The following SPAG16 variants were observed in gnomAD, a reference collection of about 807,000 sequenced individuals.
The protein encoded by SPAG16 is sperm-associated antigen 16 protein.
A neutral mutation model predicts 80.4 loss-of-function variants in SPAG16; 86 were observed. That is an observed-to-expected ratio of 1.07 (90% CI 0.90 to 1.28). SPAG16 has a LOEUF of 1.28. SPAG16 is among the 50% of genes most tolerant of loss of function. The pLI, the probability that SPAG16 is intolerant of heterozygous loss-of-function variation, is 0.00. For synonymous variants in SPAG16, 294 were observed against 265.9 expected (o/e 1.11, Z -1.03); for missense variants, 870 against 765.3 (o/e 1.14, Z -1.61).
intron 15 of SPAG16, among the ~76,000 whole-genome samples, chr2:214,290,051 T>G (rs1377170075): frequency 6.6e-6 from 1 of 152,122 alleles, no homozygotes; most frequent in Admixed American, 6.6e-5. Flanking sequence ...GGTCCTGGGA[T>G]TTTCTTTGCT....
intron 5 of SPAG16, among the ~76,000 whole-genome samples, chr2:213,321,922 A>G (rs1041113724): frequency 2.0e-5 from 3 of 152,092 alleles, no homozygotes; most frequent in Non-Finnish European, 2.9e-5. Context: ...AATGTAGACC[A>G]ATTGTTATTT....
At chr2:214,211,756 C>T (rs1239503787) in intron 15 of SPAG16, among the ~76,000 whole-genome samples, 1 of 152,146 alleles carries the variant, frequency 6.6e-6, no homozygotes, top group Non-Finnish European at 1.5e-5. Flanking sequence ...CTTATCATGG[C>T]CAGCAAATTG....
chr2:214,400,552 G>A lies in SPAG16; in HGVS notation c.1721-9588G>A, dbSNP rs1428655967. On this transcript the variant is annotated intron_variant, in intron 15 of 15. Transcript: ENST00000331683. ...TTTTATAGAAGGGACTTGAGCATCT[G>A]AAGAGTTTGGTATCTGTGGGTTGGG... Among the ~76,000 whole-genome samples, 6 of 152,002 alleles carry A rather than the reference G, an allele frequency of 3.9e-5. No individual in the cohort carries two copies. The South Asian group carries it at 8.3e-4, about 21-fold the overall frequency.
At chr2:213,667,755 G>C (rs17753994) in intron 10 of SPAG16, among the ~76,000 whole-genome samples, 1 of 151,928 alleles carries the variant, frequency 6.6e-6, no homozygotes, top group Non-Finnish European at 1.5e-5. Flanking sequence ...TAAAAAAATC[G>C]GCAAGTCATA....
intron 15 of SPAG16, among the ~76,000 whole-genome samples, chr2:214,373,370 A>T (rs558534574): frequency 1.3e-5 from 2 of 152,324 alleles, no homozygotes; most frequent in South Asian, 4.1e-4. Flanking sequence ...AATGAAACTG[A>T]TCACAAGAGC....
At chr2:214,114,591 G>A (rs941342668) in intron 14 of SPAG16, among the ~76,000 whole-genome samples, 3 of 152,158 alleles carry the variant, frequency 2.0e-5, no homozygotes, top group South Asian at 2.1e-4. Flanking sequence ...CTCCATGAGC[G>A]TGGGACCCCC....
intron 10 of SPAG16, among the ~76,000 whole-genome samples, chr2:213,840,661 G>A (rs2074317560): frequency 6.6e-6 from 1 of 152,096 alleles, no homozygotes; most frequent in South Asian, 2.1e-4. Flanking sequence ...AAGTAGGAAG[G>A]GCTTCTTGGA....
At chr2:213,306,110 CCAA>C (rs1229243221) in intron 3 of SPAG16, among the ~76,000 whole-genome samples, 5 of 151,900 alleles carry the variant, frequency 3.3e-5, no homozygotes, top group African/African-American at 1.2e-4. Flanking sequence ...TCTAGGCTTT[CCAA>C]TTTACTGGCA....
intron 15 of SPAG16, among the ~76,000 whole-genome samples, chr2:214,163,649 G>A (rs576818286): frequency 6.7e-4 from 101 of 150,760 alleles, no homozygotes; most frequent in African/African-American, 2.4e-3. Flanking sequence ...GAGAGAGAGA[G>A]AGAAAGAGAG....
chr2:213,853,389 G>A (rs1168651735), intron 10 of SPAG16, among the ~76,000 whole-genome samples: 1 of 152,132 alleles, frequency 6.6e-6, no homozygotes, highest in African/African-American at 2.4e-5. Context: ...CAATTAGAAA[G>A]GAGAGCTTTT....
intron 10 of SPAG16, among the ~76,000 whole-genome samples, chr2:213,842,149 A>G (rs2125757834): frequency 6.6e-6 from 1 of 152,200 alleles, no homozygotes; most frequent in East Asian, 1.9e-4. Context: ...CAAAGGCAAA[A>G]TTTTCTTTCC....
chr2:214,067,315 C>A (rs1374295697), intron 13 of SPAG16, among the ~76,000 whole-genome samples: 1 of 152,100 alleles, frequency 6.6e-6, no homozygotes, highest in Non-Finnish European at 1.5e-5. Flanking sequence ...CAATATTTTA[C>A]TCTTTTTAGA....
intron 10 of SPAG16, among the ~76,000 whole-genome samples, chr2:213,643,540 C>T (rs564269116): frequency 4.7e-5 from 7 of 148,662 alleles, no homozygotes; most frequent in African/African-American, 1.5e-4. Flanking sequence ...ACTTGGATAT[C>T]GGTATTTTTC....
chr2:214,054,142 T>A (rs1364730517), intron 13 of SPAG16, among the ~76,000 whole-genome samples: 1 of 152,126 alleles, frequency 6.6e-6, no homozygotes. Flanking sequence ...CTGAAGTAGC[T>A]GGGATTACAG....
chr2:213,611,307 A>G (rs2061432981), intron 10 of SPAG16, among the ~76,000 whole-genome samples: 1 of 152,260 alleles, frequency 6.6e-6, no homozygotes, highest in African/African-American at 2.4e-5. Flanking sequence ...TGTTTAAAAT[A>G]AAAGTCAAAA....
chr2:213,845,981 C>A (rs1274284436), intron 10 of SPAG16, among the ~76,000 whole-genome samples: 1 of 152,188 alleles, frequency 6.6e-6, no homozygotes, highest in Non-Finnish European at 1.5e-5. Context: ...CCTAATTATA[C>A]AAATACTTTT....
At chr2:213,577,728 G>GT (rs1190484669) in intron 10 of SPAG16, among the ~76,000 whole-genome samples, 1 of 152,124 alleles carries the variant, frequency 6.6e-6, no homozygotes, top group African/African-American at 2.4e-5. Flanking sequence ...GCAAGAAACA[G>GT]TAACTCATTC....
At chr2:213,379,751 C>T (rs2067069533) in intron 9 of SPAG16, among the ~76,000 whole-genome samples, 1 of 152,176 alleles carries the variant, frequency 6.6e-6, no homozygotes, top group Admixed American at 6.5e-5. Context: ...TTGGTCTCTG[C>T]TGCTGGCAAA....
intron 10 of SPAG16, among the ~76,000 whole-genome samples, chr2:213,796,029 T>A (rs1229859251): frequency 6.6e-6 from 1 of 152,150 alleles, no homozygotes; most frequent in East Asian, 1.9e-4. Context: ...AAAAGTCACA[T>A]AATTATAAGA....
Sources: gnomAD v4.1 joint callset for allele counts (sites outside exome capture counted in the v4.1 genomes callset) on GRCh38, gnomAD v4.1.1 for gene constraint, MANE v1.5 for transcripts, NCBI Gene and HGNC (gene_info 2026-07-23, HGNC 2026-07-21) for gene names.